STK32A: variants seen among roughly 807,000 people sequenced by gnomAD.
STK32A encodes the protein serine/threonine-protein kinase 32A.
In STK32A, 41 loss-of-function variants were observed where a neutral mutation model predicts 53.2. The observed-to-expected ratio is 0.77, with a 90% confidence interval of 0.60 to 1.00. STK32A has a LOEUF of 1.00. Among genes scored for constraint, STK32A ranks in the 50% least tolerant of loss-of-function variants. STK32A has a pLI of 0.00. For missense variants in STK32A, 458 were observed against 485.8 expected (o/e 0.94, Z 0.54); for synonymous variants, 166 against 162.8 (o/e 1.02, Z -0.15).
chr5:147,246,355 G>A (rs1435990078), intron 2 of STK32A, among the ~76,000 whole-genome samples: 1 of 152,162 alleles, frequency 6.6e-6, no homozygotes, highest in Non-Finnish European at 1.5e-5. Context: ...GGTTCCAACT[G>A]GAGTGTTCCC....
Position 147,267,448 on chromosome 5 carries a change from T to G in STK32A, c.53-10676T>G, listed in dbSNP as rs542131978. Among the ~76,000 whole-genome samples the G allele has an allele frequency of 2.0e-5, 3 of 152,286 alleles. No individual in the cohort carries two copies. In the South Asian group the frequency reaches 6.2e-4, roughly 32 times the overall value. On this transcript the variant is annotated intron_variant, in intron 2 of 12. Transcript: ENST00000397936. ...AAACCCTGACCCTGGGTAATTTAAC[T>G]TTTCTGGGTTTATGTAACATATCTA...
At chr5:147,342,954 G>A in intron 5 of STK32A, 52 bp from the exon 6 acceptor site, 1 of 1,595,462 alleles carries the variant, frequency 6.3e-7, no homozygotes, top group Non-Finnish European at 8.6e-7. Context: ...CTACCCCTTA[G>A]TTCTGTTCGT....
At chr5:147,399,079 T>C in the STK32A span, 1 of 1,613,938 alleles carries the variant, frequency 6.2e-7, no homozygotes, top group African/African-American at 1.3e-5. Context: ...GAGCGGGCCT[T>C]ACAGACTGGT....
intron 4 of STK32A, among the ~76,000 whole-genome samples, chr5:147,297,521 C>T (rs1253745252): frequency 6.6e-6 from 1 of 152,134 alleles, no homozygotes; most frequent in Non-Finnish European, 1.5e-5. Context: ...TCAGGAGATC[C>T]AAGCAGGCAG....
intron 2 of STK32A, among the ~76,000 whole-genome samples, chr5:147,267,481 G>A (rs1300162029): frequency 6.6e-6 from 1 of 152,058 alleles, no homozygotes; most frequent in Non-Finnish European, 1.5e-5. Context: ...CTATAAAGTA[G>A]CAATAATAAT....
chr5:147,247,840 G>A (rs1033502718), intron 2 of STK32A, among the ~76,000 whole-genome samples: 6 of 152,166 alleles, frequency 3.9e-5, no homozygotes, highest in South Asian at 2.1e-4. Context: ...TGTAAAAATT[G>A]GCCGGGCATG....
At chr5:147,241,881 C>T (rs1400396923) in intron 2 of STK32A, among the ~76,000 whole-genome samples, 1 of 152,154 alleles carries the variant, frequency 6.6e-6, no homozygotes, top group Non-Finnish European at 1.5e-5. Flanking sequence ...ATACTTTTAA[C>T]TTGCTGGGCT....
intron 5 of STK32A, among the ~76,000 whole-genome samples, chr5:147,335,027 A>G (rs181755939): frequency 1.3e-5 from 2 of 152,348 alleles, no homozygotes; most frequent in East Asian, 3.9e-4. Flanking sequence ...AACTAATAAT[A>G]GAACAATTAT....
intron 2 of STK32A, among the ~76,000 whole-genome samples, chr5:147,270,208 C>G (rs574284917): frequency 6.6e-6 from 1 of 152,072 alleles, no homozygotes; most frequent in African/African-American, 2.4e-5. Context: ...TTTAAAACTA[C>G]ATTACTGAAA....
At chr5:147,236,910 A>G (rs1054591055) in intron 1 of STK32A, among the ~76,000 whole-genome samples, 2 of 152,208 alleles carry the variant, frequency 1.3e-5, no homozygotes, top group African/African-American at 4.8e-5. Flanking sequence ...AGATATAAGA[A>G]TGACAGGACT....
At chr5:147,258,921 T>TA (rs1754361713) in intron 2 of STK32A, among the ~76,000 whole-genome samples, 2 of 151,886 alleles carry the variant, frequency 1.3e-5, no homozygotes, top group Admixed American at 1.3e-4. Context: ...ATGGCTTTTT[T>TA]TTATTATTAT....
At chr5:147,291,551 TAAAA>T (rs369226227) in intron 4 of STK32A, among the ~76,000 whole-genome samples, 1,997 of 145,734 alleles carry the variant, frequency 0.014, 26 homozygotes, top group Middle Eastern at 0.032. Context: ...CAATTACAAT[TAAAA>T]AAAAAAAAGA....
At chr5:147,282,211 A>G (rs1296858462) in intron 4 of STK32A, among the ~76,000 whole-genome samples, 1 of 152,148 alleles carries the variant, frequency 6.6e-6, no homozygotes, top group African/African-American at 2.4e-5. Flanking sequence ...AAGCAAAAAC[A>G]AAACCAAAAA....
intron 2 of STK32A, among the ~76,000 whole-genome samples, chr5:147,262,313 C>T (rs965827408): frequency 1.3e-5 from 2 of 152,044 alleles, no homozygotes; most frequent in African/African-American, 4.8e-5. Context: ...AGATTTAAAC[C>T]AGAAAACTAT....
rs551170281 is a variant in STK32A at position 147,375,118 on chromosome 5, T to C, written c.932T>C (p.Phe311Ser). 1 of 1,608,396 alleles carries C rather than the reference T, an allele frequency of 6.2e-7. No homozygotes were observed. Among genetic ancestry groups the C allele is most frequent in the African/African-American group, 1.3e-5 (1 of 74,626 alleles). The change falls in exon 11 of 13, where the codon TTT becomes TCT. Residue 311 changes from phenylalanine to serine, a missense_variant. Phe to Ser is a radical substitution (Grantham distance 155). Coordinates refer to ENST00000397936, the MANE Select transcript of STK32A (RefSeq NM_001112724.2). ...GGCAGGCTGAATTGTGATCCTACCTTTGAACTTGAGGAAATGATTTTGGAG... is the reference window on the plus strand; with the variant it reads ...GGCAGGCTGAATTGTGATCCTACCTCTGAACTTGAGGAAATGATTTTGGAG... ...NKGRLNCDPTFELEEMILESK... is the reference protein window; with the variant it reads ...NKGRLNCDPTSELEEMILESK...
chr5:147,294,550 C>A (rs1185415934), intron 4 of STK32A, among the ~76,000 whole-genome samples: 1 of 152,148 alleles, frequency 6.6e-6, no homozygotes, highest in Non-Finnish European at 1.5e-5. Flanking sequence ...TCATTTTGAC[C>A]ACACAATGCT....
rs966136335 is a variant in STK32A at position 147,386,831 on chromosome 5, G to T, written c.*2848G>T. On this transcript the variant is annotated 3_prime_UTR_variant, in exon 13 of 13. Transcript: ENST00000397936. ...CCACCACTGTGCATTTTAAACATGAGAACAAAAAACTTTTCCAAAATTTAA... is the reference window on the plus strand; with the variant it reads ...CCACCACTGTGCATTTTAAACATGATAACAAAAAACTTTTCCAAAATTTAA... The T allele has an allele frequency of 6.6e-6, 1 of 152,156 alleles. No homozygotes were observed. Among genetic ancestry groups the T allele is most frequent in the Non-Finnish European group, 1.5e-5 (1 of 68,004 alleles). The allele number at this position is 152,156 out of a possible 1,614,324, so 9.4% of individuals were successfully genotyped here.
At position 147,370,681 on chromosome 5, in the gene STK32A, T is replaced by A. The variant is rs1406709965; in HGVS notation, c.688T>A (p.Ser230Thr). ...RRPYHIRSST[S>T]SKEIVHTFET... ...ACCGTATCATATTCGCTCCAGTACT[T>A]CCAGCAAGGAAATTGTACACACGTT... Residue 230 changes from serine to threonine, a missense_variant, in exon 9 of 13, where the codon TCC becomes ACC. Coordinates refer to ENST00000397936, the MANE Select transcript of STK32A (RefSeq NM_001112724.2). The A allele has an allele frequency of 2.5e-6, 4 of 1,612,216 alleles. No individual in the cohort carries two copies.
chr5:147,349,968 G>C lies in STK32A; in HGVS notation c.473-1097G>C, dbSNP rs555078887. On this transcript the variant is annotated intron_variant, in intron 6 of 12. Transcript: ENST00000397936. ...TCTACTAAAAATACAAAAATTAGCT[G>C]AGCATGGTTGTGCATGCCTGTAATC... 7.0e-4 allele frequency among the ~76,000 whole-genome samples: 107 copies of C among 151,986 alleles called. 1 individual carries two copies. Among genetic ancestry groups the C allele is most frequent in the African/African-American group, 2.5e-3 (105 of 41,482 alleles).
Sources: gnomAD v4.1 joint callset for allele counts (sites outside exome capture counted in the v4.1 genomes callset) on GRCh38, gnomAD v4.1.1 for gene constraint, MANE v1.5 for transcripts, NCBI Gene and HGNC (gene_info 2026-07-23, HGNC 2026-07-21) for gene names.